Variants in GSE1 observed in about 807,000 individuals in gnomAD.
GSE1 encodes the protein genetic suppressor element 1.
GSE1 carries 32 observed loss-of-function variants against 112.6 expected under a neutral mutation model. The ratio of observed to expected loss-of-function variants is 0.28; its 90% CI spans 0.21 to 0.38. The LOEUF (loss-of-function observed/expected upper bound fraction) is 0.38. GSE1 is among the 10% of genes least tolerant of loss of function. The pLI is 1.00. For missense variants in GSE1, 2,348 were observed against 1,699.2 expected (o/e 1.38, Z -6.71); for synonymous variants, 1,115 against 735.6 (o/e 1.52, Z -8.35).
At chr16:85,377,288 A>T (rs1191668266) in intron 2 of GSE1, among the ~76,000 whole-genome samples, 1 of 152,158 alleles carries the variant, frequency 6.6e-6, no homozygotes, top group Admixed American at 6.5e-5. Flanking sequence ...TCTGAATTGC[A>T]GGGTGCCATG....
chr16:85,572,478 ACAC>A (rs1259137155), intron 1 of GSE1, among the ~76,000 whole-genome samples: 22 of 148,504 alleles, frequency 1.5e-4, no homozygotes, highest in African/African-American at 3.2e-4. Context: ...CACATCACAC[ACAC>A]CACATGCACA....
At chr16:85,210,830 T>G (rs1279075150) in intron 1 of GSE1, among the ~76,000 whole-genome samples, 1 of 152,228 alleles carries the variant, frequency 6.6e-6, no homozygotes, top group Non-Finnish European at 1.5e-5. Flanking sequence ...TTCTTGTCAC[T>G]TGAGCTTGTC....
At chr16:85,264,894 C>T (rs1201228145) in intron 1 of GSE1, among the ~76,000 whole-genome samples, 1 of 152,178 alleles carries the variant, frequency 6.6e-6, no homozygotes, top group Non-Finnish European at 1.5e-5. Flanking sequence ...CAGGGGTTCC[C>T]CTACTTCCAA....
At chr16:85,222,639 T>C (rs1047076345) in intron 1 of GSE1, among the ~76,000 whole-genome samples, 19 of 152,290 alleles carry the variant, frequency 1.2e-4, no homozygotes, top group African/African-American at 4.6e-4. Context: ...GTAATGAATT[T>C]TACTGCCTCC....
intron 1 of GSE1, chr16:85,207,922 C>G (rs57618647): frequency 0.11 from 16,929 of 152,108 alleles, 1,014 homozygotes; most frequent in Middle Eastern, 0.16. Context: ...TGGGGGGTAG[C>G]TGGGTCTTTG....
chr16:85,668,125 C>G lies in GSE1; in HGVS notation c.3131-15C>G, dbSNP rs1239645164. 1 of 1,551,792 alleles carries G rather than the reference C, an allele frequency of 6.4e-7. No individual in the cohort carries two copies. The highest frequency in any genetic ancestry group is 8.7e-7 in the Non-Finnish European group (1 of 1,145,046). On this transcript the variant is annotated splice_polypyrimidine_tract_variant and intron_variant, in intron 13 of 15. Coordinates refer to ENST00000253458, the MANE Select transcript of GSE1 (RefSeq NM_014615.5). ...TTCCCCCAACACACTGATGCAAGCC[C>G]TGTCCCCTCCACAGGGAGCGTGGCT... is the stretch of plus-strand genomic sequence containing the variant.
chr16:85,376,621 C>T (rs1346312322), intron 2 of GSE1, among the ~76,000 whole-genome samples: 2 of 152,186 alleles, frequency 1.3e-5, no homozygotes, highest in African/African-American at 2.4e-5. Context: ...TCGTGGGAGG[C>T]GGGCTGTCAC....
At chr16:85,487,842 C>CGCCTCAGTTGGTGGTCCCTCAAG (rs1567529421) in intron 2 of GSE1, among the ~76,000 whole-genome samples, 4 of 152,192 alleles carry the variant, frequency 2.6e-5, no homozygotes, top group Non-Finnish European at 4.4e-5. Flanking sequence ...GTGCCCTTTC[C>CGCCTCAGTTGGTGGTCCCTCAAG]GCCTCAGTTG....
At chr16:85,605,016 A>C (rs1173505680) in intron 1 of GSE1, among the ~76,000 whole-genome samples, 1 of 147,472 alleles carries the variant, frequency 6.8e-6, no homozygotes, top group Non-Finnish European at 1.5e-5. Flanking sequence ...ATGGGGTTTC[A>C]CCGTGTTAGC....
At chr16:85,199,296 G>A (rs950322321) in intron 1 of GSE1, among the ~76,000 whole-genome samples, 4 of 151,812 alleles carry the variant, frequency 2.6e-5, no homozygotes, top group South Asian at 2.1e-4. Context: ...ATGTTGTCCA[G>A]GCTGGCTTCA....
At chr16:85,512,362 C>G (rs2051776596) in intron 2 of GSE1, among the ~76,000 whole-genome samples, 1 of 152,178 alleles carries the variant, frequency 6.6e-6, no homozygotes, top group South Asian at 2.1e-4. Flanking sequence ...AGGACAGCGT[C>G]TTGCAGCGAG....
chr16:85,237,971 TTGAA>T (rs528777934), intron 1 of GSE1, among the ~76,000 whole-genome samples: 103 of 151,964 alleles, frequency 6.8e-4, no homozygotes, highest in Non-Finnish European at 1.1e-3. Context: ...TCATCACTAG[TTGAA>T]TGAATGAATG....
chr16:85,572,166 A>T lies in GSE1; in HGVS notation c.37+15803A>T, dbSNP rs550390212. Among the ~76,000 whole-genome samples the T allele has an allele frequency of 2.1e-5, 3 of 143,780 alleles. No homozygotes were observed. The East Asian group carries it at 6.4e-4, about 31-fold the overall frequency. The allele number at this position is 143,780 out of a possible 152,430, so 94.3% of individuals were successfully genotyped here. A position where few individuals can be genotyped will look rare whatever the true frequency, so the allele number is the denominator to read the frequency against. ...CACACAACACACCACACACACACTGAATACTACACACACACCACATACTAC... is the reference window on the plus strand; with the variant it reads ...CACACAACACACCACACACACACTGTATACTACACACACACCACATACTAC... On this transcript the variant is annotated intron_variant, in intron 1 of 2. Coordinates refer to the GSE1 transcript ENST00000635906.
At position 85,673,826 on chromosome 16, in the gene GSE1, A is replaced by C. The variant is rs145040913; in HGVS notation, c.*1287A>C. On this transcript the variant is annotated 3_prime_UTR_variant, in exon 16 of 16. Coordinates refer to ENST00000253458, the MANE Select transcript of GSE1 (RefSeq NM_014615.5). ...CTTTTAAAAACCTTTCAGGAAGTCA[A>C]TGATTTCTGTGATTGATATAATTCT... 1 of 152,190 alleles carries C rather than the reference A, an allele frequency of 6.6e-6. No individual in the cohort carries two copies. The highest frequency in any genetic ancestry group is 2.1e-4 in the South Asian group (1 of 4,828). The allele number at this position is 152,190 out of a possible 1,614,324, so 9.4% of individuals were successfully genotyped here.
chr16:85,655,161 C>CTA (rs1445768931), intron 5 of GSE1, among the ~76,000 whole-genome samples, 170 bp downstream of exon 5: 1 of 152,184 alleles, frequency 6.6e-6, no homozygotes, highest in African/African-American at 2.4e-5. Context: ...GCCCTGATGG[C>CTA]CCATTAGGGG....
At chr16:85,245,268 G>A (rs12598560) in intron 1 of GSE1, among the ~76,000 whole-genome samples, 27,750 of 152,134 alleles carry the variant, frequency 0.18, 2,752 homozygotes, top group East Asian at 0.24. Flanking sequence ...TCTCTCAGCC[G>A]CAGCCCTTGC....
chr16:85,422,979 C>G lies in GSE1; in HGVS notation c.2464+65336C>G, dbSNP rs924458271. ...CAGAGCTAATATTGAACTTGCCTGG[C>G]TTTTAAATAGCACCTGTAAACACCA... On this transcript the variant is annotated intron_variant, in intron 2 of 2. Transcript: ENST00000637419. 1.2e-4 allele frequency among the ~76,000 whole-genome samples: 18 copies of G among 152,298 alleles called. No homozygotes were observed. In the East Asian group the frequency reaches 2.3e-3, roughly 20 times the overall value.
At chr16:85,635,232 C>T (rs1009292306) in intron 2 of GSE1, among the ~76,000 whole-genome samples, 1 of 152,072 alleles carries the variant, frequency 6.6e-6, no homozygotes, top group African/African-American at 2.4e-5. Flanking sequence ...ACACACCTGA[C>T]ATTGATGGAT....
intron 1 of GSE1, among the ~76,000 whole-genome samples, chr16:85,559,776 C>T (rs1203619206): frequency 6.6e-6 from 1 of 152,178 alleles, no homozygotes. Context: ...AGGCAAGGGT[C>T]AGCAATCCAT....
Sources: gnomAD v4.1 joint callset for allele counts (sites outside exome capture counted in the v4.1 genomes callset) on GRCh38, gnomAD v4.1.1 for gene constraint, MANE v1.5 for transcripts, NCBI Gene and HGNC (gene_info 2026-07-23, HGNC 2026-07-21) for gene names.